Variants in BBX observed in about 807,000 individuals in gnomAD.
BBX encodes the protein BBX high mobility group box domain containing, also known as HMG box transcription factor BBX.
A neutral mutation model predicts 100.2 loss-of-function variants in BBX; 30 were observed. The ratio of observed to expected loss-of-function variants is 0.30; its 90% confidence interval spans 0.22 to 0.41. The LOEUF (loss-of-function observed/expected upper bound fraction) is 0.41. BBX is among the 10% of genes least tolerant of loss of function. The pLI is 1.00. For missense variants in BBX, 1,023 were observed against 1,129.8 expected, an observed-to-expected ratio of 0.91 and a Z score of 1.35; for synonymous variants, 376 against 388.1, an observed-to-expected ratio of 0.97 and a Z score of 0.37.
chr3:107,638,457 C>T (rs1368048300), intron 2 of BBX: 1 of 152,098 alleles, frequency 6.6e-6, no homozygotes. Flanking sequence ...TTGACAGTTG[C>T]CATTGGTCAC....
chr3:107,652,190 A>ACTTT (rs10662764), intron 3 of BBX, among the ~76,000 whole-genome samples: 151,718 of 152,224 alleles, frequency 1, 75,611 homozygotes, highest in South Asian at 1. Flanking sequence ...GCTCAAATGA[A>ACTTT]CTTTGTTTCT....
At chr3:107,613,423 A>G (rs1405944472) in intron 2 of BBX, among the ~76,000 whole-genome samples, 7 of 150,632 alleles carry the variant, frequency 4.6e-5, no homozygotes, top group Non-Finnish European at 1.0e-4. Flanking sequence ...TTGATTTCTC[A>G]TAATGATGCT....
At position 107,701,397 on chromosome 3, in the gene BBX, A is replaced by G. The variant is rs77395863; in HGVS notation, c.-9-9055A>G. On this transcript the variant is annotated intron_variant, in intron 3 of 17. Transcript: ENST00000325805. ...GTTGCTTTATACTTAAGGTATATTC[A>G]TTGTAGGATCTTTCGCCTAGAGTTG... 7.3e-3 allele frequency among the ~76,000 whole-genome samples: 1,106 copies of G among 152,274 alleles called. 34 individuals are homozygous for G. In the East Asian group the frequency reaches 0.1, roughly 14 times the overall value.
intron 2 of BBX, among the ~76,000 whole-genome samples, chr3:107,606,810 T>G (rs1182865397): frequency 6.6e-6 from 1 of 152,168 alleles, no homozygotes; most frequent in Non-Finnish European, 1.5e-5. Flanking sequence ...CCGATTATAC[T>G]CTTTTAGTTA....
intron 5 of BBX, among the ~76,000 whole-genome samples, chr3:107,726,299 T>C (rs2062928611): frequency 6.6e-6 from 1 of 151,990 alleles, no homozygotes; most frequent in Non-Finnish European, 1.5e-5. Context: ...CCTGAGGCTC[T>C]TCCCACCTCC....
chr3:107,613,702 G>A (rs1032918251), intron 2 of BBX, among the ~76,000 whole-genome samples: 2 of 151,914 alleles, frequency 1.3e-5, no homozygotes, highest in South Asian at 2.1e-4. Context: ...GCTTTTTGTT[G>A]TAGAATTTTA....
At chr3:107,760,259 G>A (rs1437619746) in intron 10 of BBX, among the ~76,000 whole-genome samples, 1 of 152,176 alleles carries the variant, frequency 6.6e-6, no homozygotes, top group Non-Finnish European at 1.5e-5. Context: ...TGTTATAGGA[G>A]TGTGCATATT....
At chr3:107,619,009 T>C (rs2107681881) in intron 2 of BBX, among the ~76,000 whole-genome samples, 1 of 152,182 alleles carries the variant, frequency 6.6e-6, no homozygotes, top group South Asian at 2.1e-4. Flanking sequence ...TACTATATTG[T>C]GGATTTGTCT....
At chr3:107,754,667 T>C (rs888491363) in intron 9 of BBX, among the ~76,000 whole-genome samples, 49 of 152,148 alleles carry the variant, frequency 3.2e-4, no homozygotes, top group Non-Finnish European at 8.8e-5. Context: ...TTTAAGGATA[T>C]AGTCACAAGC....
chr3:107,782,814 A>G (rs1266584716), intron 13 of BBX, among the ~76,000 whole-genome samples: 1 of 152,076 alleles, frequency 6.6e-6, no homozygotes, highest in Non-Finnish European at 1.5e-5. Flanking sequence ...GCCAGTTTGC[A>G]TACCAGCAAT....
rs1251345543 is a variant in BBX at position 107,645,827 on chromosome 3, C to T, written c.-83-9C>T. 1 of 152,536 alleles carries T rather than the reference C, an allele frequency of 6.6e-6. No individual in the cohort carries two copies. Among genetic ancestry groups the T allele is most frequent in the Non-Finnish European group, 1.5e-5 (1 of 68,014 alleles). 9.4% of individuals were successfully genotyped at this position (152,536 alleles called of 1,614,324 possible). A position where few individuals can be genotyped will look rare whatever the true frequency, so the allele number is the denominator to read the frequency against. ...CCATTTTAACTACTTTTCTATGGGTCCTTCACAGAATCCTGCTGCATCACA... is the reference window on the plus strand; with the variant it reads ...CCATTTTAACTACTTTTCTATGGGTTCTTCACAGAATCCTGCTGCATCACA... On this transcript the variant is annotated splice_polypyrimidine_tract_variant and intron_variant, in intron 2 of 17. Transcript: ENST00000325805.
chr3:107,641,274 G>A (rs1194490188), intron 2 of BBX, among the ~76,000 whole-genome samples: 1 of 151,892 alleles, frequency 6.6e-6, no homozygotes, highest in Non-Finnish European at 1.5e-5. Flanking sequence ...TAGTAGAGAT[G>A]GAGTTTCACC....
At chr3:107,655,788 C>T (rs998500559) in intron 3 of BBX, among the ~76,000 whole-genome samples, 8 of 151,788 alleles carry the variant, frequency 5.3e-5, no homozygotes, top group African/African-American at 1.9e-4. Flanking sequence ...GCAAGCTCCA[C>T]CTCCCGGATT....
chr3:107,755,141 C>G (rs976516533), intron 9 of BBX, among the ~76,000 whole-genome samples: 1 of 152,238 alleles, frequency 6.6e-6, no homozygotes, highest in South Asian at 2.1e-4. Context: ...TGTCATATGG[C>G]CTTGCACATA....
chr3:107,555,070 A>AAAC (rs77709627), intron 2 of BBX, among the ~76,000 whole-genome samples: 22,416 of 151,000 alleles, frequency 0.15, 1,776 homozygotes, highest in Middle Eastern at 0.2. Flanking sequence ...CTCCGTCTCA[A>AAAC]AACAACAACA....
Position 107,805,606 on chromosome 3 carries a change from G to A in BBX, c.*149G>A. Reference sequence around the variant, plus strand: ...CGGCCCAGATTCACTTGAAGCAGAAGTTAGCATCCTGGGCCAGTTTGTTCT... The same window carrying A: ...CGGCCCAGATTCACTTGAAGCAGAAATTAGCATCCTGGGCCAGTTTGTTCT... On this transcript the variant is annotated 3_prime_UTR_variant, in exon 18 of 18. Transcript: ENST00000325805. 2.1e-6 allele frequency: 3 copies of A among 1,454,934 alleles called. No homozygotes were observed. Among genetic ancestry groups the A allele is most frequent in the Non-Finnish European group, 2.8e-6 (3 of 1,076,460 alleles). The allele number at this position is 1,454,934 out of a possible 1,614,324, so 90.1% of individuals were successfully genotyped here. A position where few individuals can be genotyped will look rare whatever the true frequency, so the allele number is the denominator to read the frequency against.
chr3:107,594,031 A>G (rs941092981), intron 2 of BBX, among the ~76,000 whole-genome samples: 2 of 152,304 alleles, frequency 1.3e-5, no homozygotes, highest in Middle Eastern at 3.4e-3. Flanking sequence ...CAGGTCATCA[A>G]TGAAGGGAGA....
chr3:107,805,117 G>A (rs140745787), intron 17 of BBX, among the ~76,000 whole-genome samples: 67 of 152,154 alleles, frequency 4.4e-4, no homozygotes, highest in African/African-American at 1.6e-3. Context: ...GTATGCTGTT[G>A]AGTTGTATGA....
At chr3:107,655,541 T>C (rs957128704) in intron 3 of BBX, among the ~76,000 whole-genome samples, 3 of 134,286 alleles carry the variant, frequency 2.2e-5, no homozygotes, top group Admixed American at 8.0e-5. Flanking sequence ...TTTTAAGAGA[T>C]AAGGGCTCAT....
Sources: allele counts gnomAD v4.1 joint callset (sites outside exome capture counted in the v4.1 genomes callset), GRCh38; gene constraint gnomAD v4.1.1; transcripts MANE v1.5; gene names NCBI Gene and HGNC (gene_info 2026-07-23, HGNC 2026-07-21).